The following CDK8 variants were observed in gnomAD, a reference collection of about 807,000 sequenced individuals.
The protein encoded by CDK8 is cyclin dependent kinase 8, also known as cyclin-dependent kinase 8.
Under a neutral mutation model 71.5 loss-of-function variants are expected in CDK8, and 29 were observed. The ratio of observed to expected loss-of-function variants is 0.41; its 90% CI spans 0.30 to 0.55. The LOEUF (loss-of-function observed/expected upper bound fraction) is 0.55. Among genes scored for constraint, CDK8 ranks in the 20% least tolerant of loss-of-function variants. The pLI, the probability that CDK8 is intolerant of heterozygous loss-of-function variation, is 0.37. For synonymous variants in CDK8, 161 were observed against 192.1 expected, an observed-to-expected ratio of 0.84 and a Z score of 1.34; for missense variants, 288 against 572.6, an observed-to-expected ratio of 0.50 and a Z score of 5.07.
At position 26,312,711 on chromosome 13, in the gene CDK8, C is replaced by G. The variant is rs1366670007; in HGVS notation, c.129-24856C>G. Among the ~76,000 whole-genome samples the G allele has an allele frequency of 2.0e-5, 3 of 152,304 alleles. No individual in the cohort carries two copies. In the East Asian group the frequency reaches 5.8e-4, roughly 29 times the overall value. On this transcript the variant is annotated intron_variant, in intron 1 of 12. Coordinates refer to ENST00000381527, the MANE Select transcript of CDK8 (RefSeq NM_001260.3). ...AGACCAAGAACCCACCAGAAGGAACCAATTCCGGGCACAGAGGGGTGTCTC... is the reference window on the plus strand; with the variant it reads ...AGACCAAGAACCCACCAGAAGGAACGAATTCCGGGCACAGAGGGGTGTCTC...
Position 26,254,324 on chromosome 13 carries a change from C to T in CDK8, c.-318C>T. 3.6e-6 allele frequency: 1 copy of T among 275,588 alleles called. No homozygotes were observed. The highest frequency in any genetic ancestry group is 7.0e-6 in the Non-Finnish European group (1 of 143,808). The allele number at this position is 275,588 out of a possible 1,614,324, so 17.1% of individuals were successfully genotyped here. A position where few individuals can be genotyped will look rare whatever the true frequency, so the allele number is the denominator to read the frequency against. On this transcript the variant is annotated 5_prime_UTR_variant, in exon 1 of 13. Transcript: ENST00000381527. The surrounding 1 kb of genome is among the most constrained non-coding windows in gnomAD (Gnocchi z 6.7). ...GCGCGGCCGGAGAGAGCGGCGGAGC[C>T]GGCGCCCAGGGAGCCCGCGGGGACA...
At chr13:26,273,223 A>G (rs1268458307) in intron 1 of CDK8, among the ~76,000 whole-genome samples, 5 of 152,020 alleles carry the variant, frequency 3.3e-5, no homozygotes, top group Non-Finnish European at 7.4e-5. Context: ...AATATAGGAT[A>G]TTTTTCTGGT....
At chr13:26,390,197 A>G (rs1875682817) in intron 6 of CDK8, among the ~76,000 whole-genome samples, 1 of 152,212 alleles carries the variant, frequency 6.6e-6, no homozygotes. Flanking sequence ...TCCTTGTTTG[A>G]TAGCTGAATT....
chr13:26,398,962 CA>C (rs200778680), intron 9 of CDK8, among the ~76,000 whole-genome samples: 1,388 of 136,616 alleles, frequency 0.01, 17 homozygotes, highest in African/African-American at 0.025. Context: ...GACTCTATCT[CA>C]AAAAAAAAAA....
intron 1 of CDK8, among the ~76,000 whole-genome samples, chr13:26,329,559 G>C (rs1268990228): frequency 6.7e-6 from 1 of 150,276 alleles, no homozygotes; most frequent in African/African-American, 2.5e-5. Context: ...CTGGAGTGCA[G>C]TGGCAGGATC....
chr13:26,404,147 G>A lies in CDK8; in HGVS notation c.*66G>A, dbSNP rs528748874. The A allele has an allele frequency of 5.2e-5, 82 of 1,579,380 alleles. No individual in the cohort carries two copies. Among genetic ancestry groups the A allele is most frequent in the Admixed American group, 1.9e-4 (11 of 58,520 alleles). On this transcript the variant is annotated 3_prime_UTR_variant, in exon 13 of 13. Coordinates refer to ENST00000381527, the MANE Select transcript of CDK8 (RefSeq NM_001260.3). Reference sequence around the variant, plus strand: ...CAGGGCTGACTGTGCAGCTCTCTGCGGGAACCTGGTATGGGCCATGAGAAT... The same window carrying A: ...CAGGGCTGACTGTGCAGCTCTCTGCAGGAACCTGGTATGGGCCATGAGAAT...
At chr13:26,303,359 G>A (rs1291703150) in intron 1 of CDK8, among the ~76,000 whole-genome samples, 1 of 151,724 alleles carries the variant, frequency 6.6e-6, no homozygotes, top group African/African-American at 2.4e-5. Flanking sequence ...GGAGTGCAGT[G>A]GCACGATCTC....
Position 26,327,963 on chromosome 13 carries a change from C to CTT in CDK8, c.129-9590_129-9589dup, listed in dbSNP as rs35077180. On this transcript the variant is annotated intron_variant, in intron 1 of 12. Transcript: ENST00000381527. ...CCAAGAACATATATTTAAGAGCTGT[C>CTT]TTTTTTTTTTTTTTTAACTTTTGCT... Among the ~76,000 whole-genome samples the CTT allele has an allele frequency of 9.0e-3, 1,289 of 143,740 alleles. 10 individuals are homozygous for CTT. The highest frequency in any genetic ancestry group is 0.019 in the South Asian group (88 of 4,518). 94.3% of individuals were successfully genotyped at this position (143,740 alleles called of 152,430 possible).
Position 26,405,140 on chromosome 13 carries a change from C to T in CDK8, c.*1059C>T, listed in dbSNP as rs1346828402. The T allele has an allele frequency of 5.6e-6, 1 of 178,538 alleles. No homozygotes were observed. The highest frequency in any genetic ancestry group is 2.4e-5 in the African/African-American group (1 of 42,282). The allele number at this position is 178,538 out of a possible 1,614,324, so 11.1% of individuals were successfully genotyped here. ...ATAACATACAATGTACTGTATCAAACTATTTTACATGAATGACACAAGTAT... is the reference window on the plus strand; with the variant it reads ...ATAACATACAATGTACTGTATCAAATTATTTTACATGAATGACACAAGTAT... On this transcript the variant is annotated 3_prime_UTR_variant, in exon 13 of 13. Transcript: ENST00000381527.
chr13:26,348,100 A>C (rs539428561), intron 2 of CDK8, among the ~76,000 whole-genome samples: 1 of 152,016 alleles, frequency 6.6e-6, no homozygotes, highest in African/African-American at 2.4e-5. Context: ...ATAGATATAT[A>C]TATAGATATG....
At position 26,393,378 on chromosome 13, in the gene CDK8, A is replaced by G. The variant is rs1875843198; in HGVS notation, c.658A>G (p.Ile220Val). Residue 220 changes from isoleucine to valine, a missense_variant, in exon 7 of 13, where the codon ATA (isoleucine) becomes GTA (valine). Coordinates refer to ENST00000381527, the MANE Select transcript of CDK8 (RefSeq NM_001260.3). The stretch of plus-strand genomic sequence containing the variant: ...TTTTTGTTTTAAAGATATTTGGGCT[A>G]TAGGGTGTATATTTGCAGAACTACT... ...HYTKAIDIWAIGCIFAELLTS... is the reference protein window; with the variant it reads ...HYTKAIDIWAVGCIFAELLTS... 6.3e-7 allele frequency: 1 copy of G among 1,587,554 alleles called. No homozygotes were observed. Among genetic ancestry groups the G allele is most frequent in the Non-Finnish European group, 8.6e-7 (1 of 1,166,612 alleles).
chr13:26,331,476 G>A (rs995872600), intron 1 of CDK8, among the ~76,000 whole-genome samples: 10 of 151,988 alleles, frequency 6.6e-5, no homozygotes, highest in African/African-American at 2.4e-4. Context: ...TGGTTTTGTT[G>A]CCTGTGCTTT....
chr13:26,297,016 T>C (rs571049703), intron 1 of CDK8, among the ~76,000 whole-genome samples: 12 of 152,184 alleles, frequency 7.9e-5, no homozygotes, highest in African/African-American at 2.9e-4. Flanking sequence ...CCGTTAGTAA[T>C]GTTTCATTGG....
At chr13:26,281,768 T>C (rs1341092054) in intron 1 of CDK8, among the ~76,000 whole-genome samples, 2 of 151,938 alleles carry the variant, frequency 1.3e-5, no homozygotes, top group Admixed American at 1.3e-4. Flanking sequence ...TGAAAAATGC[T>C]CCAGAAGATA....
chr13:26,376,841 TAATCTGAACAATG>T (rs1874974935), intron 4 of CDK8, among the ~76,000 whole-genome samples: 2 of 152,228 alleles, frequency 1.3e-5, no homozygotes, highest in African/African-American at 4.8e-5. Flanking sequence ...AATTTAAAGC[TAATCTGAACAATG>T]TTTATTATTT....
intron 1 of CDK8, among the ~76,000 whole-genome samples, chr13:26,310,296 C>T (rs574331474): frequency 2.6e-5 from 4 of 152,224 alleles, no homozygotes; most frequent in East Asian, 3.9e-4. Context: ...GTTGGTGAGC[C>T]GTTAAGTTTT....
intron 1 of CDK8, among the ~76,000 whole-genome samples, chr13:26,266,865 A>C (rs1002008435): frequency 2.6e-5 from 4 of 152,192 alleles, no homozygotes; most frequent in African/African-American, 9.7e-5. Context: ...TTTTAATAAA[A>C]AGAAAATGGC....
intron 1 of CDK8, among the ~76,000 whole-genome samples, chr13:26,271,624 A>G (rs1162223347): frequency 1.3e-5 from 2 of 151,842 alleles, no homozygotes; most frequent in South Asian, 4.2e-4. Flanking sequence ...CCTGGGCAGT[A>G]TACTTGATAC....
intron 1 of CDK8, among the ~76,000 whole-genome samples, chr13:26,329,501 T>A (rs1875204823): frequency 1.3e-5 from 2 of 151,384 alleles, no homozygotes; most frequent in Admixed American, 1.3e-4. Context: ...TTTGTTTGTT[T>A]TGTTTTGTTT....
Sources: gnomAD v4.1 joint callset for allele counts (sites outside exome capture counted in the v4.1 genomes callset) on GRCh38, gnomAD v4.1.1 for gene constraint, Gnocchi (gnomAD v3.1) non-coding constraint, MANE v1.5 for transcripts, NCBI Gene and HGNC (gene_info 2026-07-23, HGNC 2026-07-21) for gene names.